Variants in BPTF observed in about 807,000 individuals in gnomAD.
BPTF encodes nucleosome-remodeling factor subunit BPTF.
Under a neutral mutation model 292.5 loss-of-function variants are expected in BPTF, and 18 were observed. That is an observed-to-expected ratio of 0.06 (90% CI 0.04 to 0.09). The LOEUF is 0.09. Ranked by LOEUF, BPTF falls within the 10% of genes least tolerant of loss-of-function variation. The probability of loss-of-function intolerance (pLI) is 1.00; values close to 1 mark genes in which losing one functional copy is unlikely to be tolerated. For missense variants in BPTF, 2,726 were observed against 3,498.7 expected (o/e 0.78, Z 5.57); for synonymous variants, 1,225 against 1,251.9 (o/e 0.98, Z 0.45).
At chr17:67,837,270 C>G (rs958378414) in intron 1 of BPTF, among the ~76,000 whole-genome samples, 11 of 152,174 alleles carry the variant, frequency 7.2e-5, no homozygotes, top group African/African-American at 2.4e-4. Flanking sequence ...CCTTTAGTCA[C>G]TTAAGCTGGT....
chr17:67,850,534 A>G (rs1341891434), intron 1 of BPTF, among the ~76,000 whole-genome samples: 1 of 151,876 alleles, frequency 6.6e-6, no homozygotes. Context: ...ATGCCCAGCT[A>G]ATTTTTGTAT....
chr17:67,944,787 A>G (rs2065668946), intron 20 of BPTF, among the ~76,000 whole-genome samples: 1 of 152,086 alleles, frequency 6.6e-6, no homozygotes, highest in Non-Finnish European at 1.5e-5. Flanking sequence ...ATTGTAACTA[A>G]CTACCACCAC....
At chr17:67,893,299 G>T (rs1254452333) in intron 5 of BPTF, 71 bp from the exon 6 acceptor site, 1 of 930,356 alleles carries the variant, frequency 1.1e-6, no homozygotes, top group Non-Finnish European at 1.7e-6. Context: ...ATTATTGAAA[G>T]ACAGTTGATT....
Position 67,912,741 on chromosome 17 carries a change from T to C in BPTF, c.4857T>C (p.Asn1619=). The change falls in exon 11 of 28, where the codon AAT becomes AAC. Residue 1619 remains asparagine, a synonymous_variant. Transcript: ENST00000306378. ...DKQTVVSSTE[N]CAKSTVTTTT... is the part of the protein sequence containing the mutation. ...AAACTGTGGTTTCTTCCACAGAAAA[T>C]TGTGCAAAATCCACTGTCACAACCA... The C allele has an allele frequency of 6.2e-7, 1 of 1,613,976 alleles. No homozygotes were observed. The highest frequency in any genetic ancestry group is 8.5e-7 in the Non-Finnish European group (1 of 1,180,004).
intron 1 of BPTF, among the ~76,000 whole-genome samples, chr17:67,852,895 G>T (rs9902203): frequency 1.2e-4 from 18 of 152,308 alleles, no homozygotes; most frequent in Middle Eastern, 3.4e-3. Context: ...TGGCACTTTG[G>T]CAGGCCGAGG....
At chr17:67,870,766 C>CTT (rs11418428) in intron 3 of BPTF, among the ~76,000 whole-genome samples, 7,694 of 106,192 alleles carry the variant, frequency 0.072, 994 homozygotes, top group African/African-American at 0.17. Context: ...TGCTTCATTT[C>CTT]TTTTTTTTTT....
At chr17:67,838,454 C>T (rs1244219340) in intron 1 of BPTF, among the ~76,000 whole-genome samples, 2 of 151,956 alleles carry the variant, frequency 1.3e-5, no homozygotes, top group Admixed American at 6.6e-5. Context: ...ATTAGTTAAC[C>T]ATCTTTGTGT....
chr17:67,852,371 C>A (rs2058460435), intron 1 of BPTF, among the ~76,000 whole-genome samples: 1 of 152,010 alleles, frequency 6.6e-6, no homozygotes, highest in Admixed American at 6.6e-5. Context: ...CTTTTCCTGT[C>A]CCCCGACTCT....
chr17:67,872,482 G>A (rs747672375), intron 3 of BPTF, among the ~76,000 whole-genome samples: 2 of 152,242 alleles, frequency 1.3e-5, no homozygotes, highest in Middle Eastern at 6.8e-3. Context: ...GAGACAGGTG[G>A]ATCACCTGAG....
intron 8 of BPTF, among the ~76,000 whole-genome samples, chr17:67,904,174 G>A (rs186500840): frequency 3.3e-5 from 5 of 152,206 alleles, no homozygotes; most frequent in South Asian, 4.2e-4. Context: ...GATTATAGGC[G>A]TGCACCACCA....
At chr17:67,835,043 C>CAAAGAA (rs2057016121) in intron 1 of BPTF, among the ~76,000 whole-genome samples, 10 of 152,086 alleles carry the variant, frequency 6.6e-5, no homozygotes, top group African/African-American at 2.2e-4. Context: ...AAGACACTGT[C>CAAAGAA]TTTACAAAAG....
intron 4 of BPTF, among the ~76,000 whole-genome samples, chr17:67,882,944 A>G (rs981226205): frequency 4.6e-5 from 7 of 150,588 alleles, no homozygotes; most frequent in African/African-American, 1.7e-4. Flanking sequence ...GTTTCAGTCA[A>G]CTGAGATCAC....
chr17:67,909,090 C>T (rs1198129314), intron 9 of BPTF, among the ~76,000 whole-genome samples: 1 of 150,512 alleles, frequency 6.6e-6, no homozygotes. Flanking sequence ...CCACCTCGGC[C>T]CCTCAAAGTG....
chr17:67,827,224 C>A (rs1401333835), intron 1 of BPTF, among the ~76,000 whole-genome samples: 1 of 152,182 alleles, frequency 6.6e-6, no homozygotes, highest in African/African-American at 2.4e-5. Context: ...AGATGAACTT[C>A]TGGAACAACT....
intron 20 of BPTF, chr17:67,944,633 C>T: frequency 4.0e-6 from 2 of 502,696 alleles, no homozygotes; most frequent in Non-Finnish European, 7.2e-6. Context: ...ATCTTGGTAA[C>T]TATGCCCACA....
chr17:67,915,735 TC>T (rs113460835), intron 11 of BPTF, among the ~76,000 whole-genome samples: 10,117 of 152,184 alleles, frequency 0.066, 1,132 homozygotes, highest in African/African-American at 0.23. Flanking sequence ...TGATCCTCAT[TC>T]CCGAGCCAAC....
intron 1 of BPTF, among the ~76,000 whole-genome samples, chr17:67,836,731 G>T (rs997466999): frequency 6.6e-6 from 1 of 152,200 alleles, no homozygotes; most frequent in Non-Finnish European, 1.5e-5. Context: ...GAAAGAAAGT[G>T]CAGTTTTCTG....
chr17:67,906,281 A>G (rs1047249302), intron 9 of BPTF, among the ~76,000 whole-genome samples: 2 of 151,966 alleles, frequency 1.3e-5, no homozygotes, highest in Admixed American at 6.6e-5. Flanking sequence ...GGGTTTCACT[A>G]TGTTGGCCAG....
intron 23 of BPTF, among the ~76,000 whole-genome samples, chr17:67,949,624 T>C (rs2066100842): frequency 1.4e-5 from 2 of 143,158 alleles, no homozygotes; most frequent in South Asian, 4.5e-4. Flanking sequence ...CACACACACA[T>C]ATATACACAT....
Sources: allele counts gnomAD v4.1 joint callset (sites outside exome capture counted in the v4.1 genomes callset), GRCh38; gene constraint gnomAD v4.1.1; transcripts MANE v1.5; gene names NCBI Gene and HGNC (gene_info 2026-07-23, HGNC 2026-07-21).